TTLL7: variants seen among roughly 807,000 people sequenced by gnomAD.
TTLL7 encodes the protein tubulin tyrosine ligase like 7.
A neutral mutation model predicts 120.2 loss-of-function variants in TTLL7; 53 were observed. The ratio of observed to expected loss-of-function variants is 0.44; its 90% confidence interval spans 0.35 to 0.55. TTLL7 has a LOEUF of 0.55. Ranked by LOEUF, TTLL7 falls within the 20% of genes least tolerant of loss-of-function variation. The pLI is 0.00. For synonymous variants in TTLL7, 353 were observed against 351.7 expected (o/e 1.00, Z -0.04); for missense variants, 803 against 1,054.7 (o/e 0.76, Z 3.31).
intron 7 of TTLL7, 23 bp from the exon 8 acceptor site, chr1:83,938,039 T>C: frequency 1.2e-6 from 2 of 1,612,550 alleles, no homozygotes; most frequent in Non-Finnish European, 1.7e-6. Flanking sequence ...AGAACCAAAG[T>C]TGTTACCACC....
chr1:83,914,138 A>G (rs1336896232), intron 14 of TTLL7, among the ~76,000 whole-genome samples: 3 of 152,060 alleles, frequency 2.0e-5, no homozygotes, highest in Admixed American at 2.0e-4. Flanking sequence ...GATATCCAAG[A>G]TCTCCACCAG....
chr1:83,915,463 C>G (rs1658067264), intron 14 of TTLL7, among the ~76,000 whole-genome samples: 2 of 152,170 alleles, frequency 1.3e-5, no homozygotes, highest in Admixed American at 6.5e-5. Flanking sequence ...AACTGGACCC[C>G]TTCCTTACAC....
At position 83,997,070 on chromosome 1, in the gene TTLL7, C is replaced by T. The variant is rs188430060; in HGVS notation, c.-177+1861G>A. Reference sequence around the variant, plus strand: ...TCTTCACAAGACCCCACTTCTCATACTCTTGTTTGAACAACAAATATAAAT... The same window carrying T: ...TCTTCACAAGACCCCACTTCTCATATTCTTGTTTGAACAACAAATATAAAT... On this transcript the variant is annotated intron_variant, in intron 1 of 20. Transcript: ENST00000260505. Among the ~76,000 whole-genome samples the T allele has an allele frequency of 7.1e-4, 108 of 152,266 alleles. 1 individual carries two copies. Among genetic ancestry groups the T allele is most frequent in the African/African-American group, 2.4e-3 (101 of 41,572 alleles).
rs1357879673 is a variant in TTLL7 at position 83,965,621 on chromosome 1, TTTGA to T, written c.-176-13238_-176-13235del. 3.3e-5 allele frequency among the ~76,000 whole-genome samples: 5 copies of T among 152,268 alleles called. No homozygotes were observed. The South Asian group carries it at 6.2e-4, about 19-fold the overall frequency. On this transcript the variant is annotated intron_variant, in intron 1 of 20. Coordinates refer to ENST00000260505, the MANE Select transcript of TTLL7 (RefSeq NM_024686.6). ...AACTACAGTATTGTTTTTTGCCTTATTTGATTATTTAAATATTTCATTTGAATAT... is the reference window on the plus strand; with the variant it reads ...AACTACAGTATTGTTTTTTGCCTTATTTATTTAAATATTTCATTTGAATAT...
intron 17 of TTLL7, among the ~76,000 whole-genome samples, chr1:83,904,785 G>A (rs2100758517): frequency 6.6e-6 from 1 of 152,122 alleles, no homozygotes; most frequent in Admixed American, 6.5e-5. Context: ...GCATTAGAAG[G>A]CAGCCTATAT....
Position 83,938,983 on chromosome 1 carries a change from A to T in TTLL7, c.724-967T>A, listed in dbSNP as rs560281609. On this transcript the variant is annotated intron_variant, in intron 7 of 20. Coordinates refer to ENST00000260505, the MANE Select transcript of TTLL7 (RefSeq NM_024686.6). ...ATGGTATTGAAATTTTTGAAGCAAG[A>T]AGGCAGAAATGATAATTTGAGGTAC... Among the ~76,000 whole-genome samples, 8 of 152,290 alleles carry T rather than the reference A, an allele frequency of 5.3e-5. No individual in the cohort carries two copies. In the East Asian group the frequency reaches 1.5e-3, roughly 29 times the overall value.
intron 17 of TTLL7, among the ~76,000 whole-genome samples, chr1:83,905,488 A>G (rs983198298): frequency 1.3e-5 from 2 of 150,960 alleles, no homozygotes; most frequent in Non-Finnish European, 3.0e-5. Context: ...TTTTTATCCT[A>G]TAACTGGCCA....
chr1:83,933,820 T>C, intron 8 of TTLL7, 54 bp from the exon 9 acceptor site: 1 of 1,547,306 alleles, frequency 6.5e-7, no homozygotes, highest in Non-Finnish European at 8.8e-7. Flanking sequence ...ATTTCATATG[T>C]GCAAATATAA....
intron 19 of TTLL7, among the ~76,000 whole-genome samples, chr1:83,888,730 A>G (rs1655182967): frequency 6.6e-6 from 1 of 151,952 alleles, no homozygotes; most frequent in Non-Finnish European, 1.5e-5. Context: ...CTGGAGCACA[A>G]TTCAAGTAGG....
chr1:83,921,263 C>T lies in TTLL7; in HGVS notation c.1274G>A (p.Arg425Lys), dbSNP rs775004707. 6.2e-6 allele frequency: 10 copies of T among 1,612,532 alleles called. No homozygotes were observed. Among genetic ancestry groups the T allele is most frequent in the Non-Finnish European group, 8.5e-6 (10 of 1,179,518 alleles). Residue 425 changes from arginine to lysine, a missense_variant, in exon 11 of 21, where the codon AGG (arginine) becomes AAG (lysine). This residue lies in a region of TTLL7 where 324 missense variants were observed against 507.7 expected (regional missense o/e 0.64). Coordinates refer to ENST00000260505, the MANE Select transcript of TTLL7 (RefSeq NM_024686.6). Reference protein sequence around the residue: ...DWEQQRHQLERRKEELKERLA... With the variant: ...DWEQQRHQLEKRKEELKERLA... ...CTTTCATACCAACTCTTCTTTCCGCCTCTCCAACTGGTGTCTCTGCTGTTC... is the reference window on the plus strand; with the variant it reads ...CTTTCATACCAACTCTTCTTTCCGCTTCTCCAACTGGTGTCTCTGCTGTTC...
intron 10 of TTLL7, among the ~76,000 whole-genome samples, chr1:83,922,009 G>A (rs908871154): frequency 2.0e-5 from 3 of 151,866 alleles, no homozygotes; most frequent in Admixed American, 6.6e-5. Context: ...TCCTGTTTTG[G>A]GATTATTTTC....
intron 1 of TTLL7, among the ~76,000 whole-genome samples, chr1:83,991,661 T>G (rs1653013924): frequency 6.6e-6 from 1 of 151,778 alleles, no homozygotes; most frequent in African/African-American, 2.4e-5. Context: ...AAAATATATA[T>G]ATATTAAAAA....
At chr1:83,961,815 C>T (rs931874671) in intron 1 of TTLL7, among the ~76,000 whole-genome samples, 12 of 152,054 alleles carry the variant, frequency 7.9e-5, no homozygotes, top group African/African-American at 2.4e-4. Flanking sequence ...TAATATGTGA[C>T]GTAATCAGTT....
intron 15 of TTLL7, 27 bp downstream of exon 15, chr1:83,911,138 C>T: frequency 6.4e-7 from 1 of 1,554,516 alleles, no homozygotes; most frequent in South Asian, 1.1e-5. Flanking sequence ...CTTTATATAA[C>T]ATCTAAATTA....
At chr1:83,945,758 A>C (rs1042441468) in intron 6 of TTLL7, among the ~76,000 whole-genome samples, 19 of 151,782 alleles carry the variant, frequency 1.3e-4, no homozygotes, top group Non-Finnish European at 1.5e-5. Context: ...ATATAAATAT[A>C]GATATTTAAT....
intron 1 of TTLL7, among the ~76,000 whole-genome samples, chr1:83,987,057 T>C (rs901121206): frequency 1.3e-5 from 2 of 152,034 alleles, no homozygotes; most frequent in African/African-American, 2.4e-5. Context: ...CAAAAATCAA[T>C]TGCATTTCTA....
In TTLL7 at chr1:83,890,311, T is replaced by TA. The variant is rs766123332; in HGVS notation, c.2369+9dup. The TA allele has an allele frequency of 1.4e-4, 223 of 1,603,604 alleles. No individual in the cohort carries two copies. Among genetic ancestry groups the TA allele is most frequent in the Non-Finnish European group, 1.8e-4 (214 of 1,176,784 alleles). On this transcript the variant is annotated intron_variant, in intron 19 of 20. Coordinates refer to ENST00000260505, the MANE Select transcript of TTLL7 (RefSeq NM_024686.6). ...AAAATGACGATAATAAAAGATGACT[T>TA]AGAGCTTACCCTGAATCACAGAAAC...
At chr1:83,941,815 CAA>C (rs778905470) in intron 7 of TTLL7, among the ~76,000 whole-genome samples, 3 of 151,746 alleles carry the variant, frequency 2.0e-5, no homozygotes, top group Non-Finnish European at 4.4e-5. Flanking sequence ...TATGGCTGCA[CAA>C]AAAAAGTCTT....
chr1:83,969,938 T>G lies in TTLL7; in HGVS notation c.-176-17551A>C, dbSNP rs970902543. 7.2e-5 allele frequency among the ~76,000 whole-genome samples: 11 copies of G among 152,102 alleles called. No individual in the cohort carries two copies. In the South Asian group the frequency reaches 1.2e-3, roughly 17 times the overall value. ...TGAATGATAAAGTTGAAGATTTGCT[T>G]TAATTTACTAAGCCTAAACAAATAT... On this transcript the variant is annotated intron_variant, in intron 1 of 20. Coordinates refer to ENST00000260505, the MANE Select transcript of TTLL7 (RefSeq NM_024686.6).
Sources: gnomAD v4.1 joint callset for allele counts (sites outside exome capture counted in the v4.1 genomes callset) on GRCh38, gnomAD v4.1.1 for gene constraint, gnomAD v4.1.1 regional missense constraint, MANE v1.5 for transcripts, NCBI Gene and HGNC (gene_info 2026-07-23, HGNC 2026-07-21) for gene names.